C2orf69: variants seen among roughly 807,000 people sequenced by gnomAD.
The protein encoded by C2orf69 is mitochondrial protein C2orf69.
A neutral mutation model predicts 29.5 loss-of-function variants in C2orf69; 19 were observed. The observed-to-expected ratio is 0.65, with a 90% CI of 0.45 to 0.95. C2orf69 has a LOEUF of 0.95. C2orf69 is among the 40% of genes least tolerant of loss of function. The pLI, the probability that C2orf69 is intolerant of heterozygous loss-of-function variation, is 0.00. For missense variants in C2orf69, 416 were observed against 482.1 expected, an observed-to-expected ratio of 0.86 and a Z score of 1.28; for synonymous variants, 194 against 180.0, an observed-to-expected ratio of 1.08 and a Z score of -0.62.
chr2:199,911,744 C>A lies in C2orf69; in HGVS notation c.306C>A (p.His102Gln). 6.5e-7 allele frequency: 1 copy of A among 1,540,660 alleles called. No individual in the cohort carries two copies. Among genetic ancestry groups the A allele is most frequent in the Non-Finnish European group, 8.7e-7 (1 of 1,146,908 alleles). The change falls in exon 1 of 2, where the codon CAC becomes CAA. Residue 102 changes from histidine (H) to glutamine (Q), a missense_variant. This residue lies in a region of C2orf69 where 225 missense variants were observed against 307.3 expected (regional missense o/e 0.73). Transcript: ENST00000319974. ...KEEPQPPPQH[H>Q]VLYFPGDVQN... ...AGCCGCAGCCGCCGCCCCAGCATCA[C>A]GTCCTCTATTTCCCTGGGGATGTGC...
chr2:199,911,736 C>T lies in C2orf69; in HGVS notation c.298C>T (p.Gln100Ter). 1 of 1,541,456 alleles carries T rather than the reference C, an allele frequency of 6.5e-7. No individual in the cohort carries two copies. Among genetic ancestry groups the T allele is most frequent in the Non-Finnish European group, 8.7e-7 (1 of 1,146,916 alleles). The change falls in exon 1 of 2, where the codon CAG (glutamine) becomes TAG (stop). Residue 100 changes from glutamine to a stop codon, truncating the protein, a stop_gained. Coordinates refer to ENST00000319974, the MANE Select transcript of C2orf69 (RefSeq NM_153689.6). LOFTEE classifies it high-confidence loss of function. The part of the protein sequence containing the change: ...PAKEEPQPPP[Q>*]HHVLYFPGDV... ...GAAGGAGGAGCCGCAGCCGCCGCCCCAGCATCACGTCCTCTATTTCCCTGG... is the reference window on the plus strand; with the variant it reads ...GAAGGAGGAGCCGCAGCCGCCGCCCTAGCATCACGTCCTCTATTTCCCTGG...
intron 1 of C2orf69, among the ~76,000 whole-genome samples, chr2:199,913,200 A>T (rs1314649619): frequency 1.0e-5 from 1 of 98,644 alleles, no homozygotes; most frequent in African/African-American, 4.1e-5. Context: ...TATTATATAT[A>T]ATATATAATA....
chr2:199,913,508 T>G (rs1214851379), intron 1 of C2orf69, among the ~76,000 whole-genome samples: 1 of 24,836 alleles, frequency 4.0e-5, no homozygotes, highest in Non-Finnish European at 6.8e-5. Context: ...ATAAAATATA[T>G]ATTATACTAT....
chr2:199,916,862 T>TTATCTACTATCTACTATCTAC (rs1391760768), intron 1 of C2orf69, among the ~76,000 whole-genome samples: 2 of 152,202 alleles, frequency 1.3e-5, no homozygotes, highest in African/African-American at 4.8e-5. Flanking sequence ...AGCTGTTGGT[T>TTATCTACTATCTACTATCTAC]TATCTACTAT....
chr2:199,916,446 A>G (rs867862653), intron 1 of C2orf69, among the ~76,000 whole-genome samples: 11 of 152,158 alleles, frequency 7.2e-5, no homozygotes, highest in Admixed American at 1.3e-4. Context: ...TGCCCTTCCA[A>G]CAGTTCCCCA....
rs1274797283 is a variant in C2orf69 at position 199,911,324 on chromosome 2, G to C, written c.-115G>C. ...CGTCGTCGCCTCAGCGCCGGCTCCC[G>C]GCCGGGCCGCGGCCGCCGACCGTTG... On this transcript the variant is annotated 5_prime_UTR_variant, in exon 1 of 2. Transcript: ENST00000319974. 2 of 1,272,596 alleles carry C rather than the reference G, an allele frequency of 1.6e-6. No individual in the cohort carries two copies. Among genetic ancestry groups the C allele is most frequent in the East Asian group, 3.1e-5 (1 of 32,598 alleles). The allele number at this position is 1,272,596 out of a possible 1,614,324, so 78.8% of individuals were successfully genotyped here. A position where few individuals can be genotyped will look rare whatever the true frequency, so the allele number is the denominator to read the frequency against.
At chr2:199,920,811 C>T (rs2077312503) in intron 1 of C2orf69, among the ~76,000 whole-genome samples, 1 of 151,014 alleles carries the variant, frequency 6.6e-6, no homozygotes, top group Non-Finnish European at 1.5e-5. Flanking sequence ...AAAAAATTAG[C>T]CGGGCATGGT....
At chr2:199,912,109 C>CGT (rs1043352316) in intron 1 of C2orf69, among the ~76,000 whole-genome samples, 4 of 151,912 alleles carry the variant, frequency 2.6e-5, no homozygotes, top group Non-Finnish European at 5.9e-5. Context: ...CTCAGAGGAC[C>CGT]GTGTGTGTGT....
chr2:199,920,616 T>C (rs1049003394), intron 1 of C2orf69, among the ~76,000 whole-genome samples: 2 of 152,116 alleles, frequency 1.3e-5, no homozygotes, highest in Admixed American at 1.3e-4. Flanking sequence ...GGATATATCA[T>C]TAATTATAAA....
chr2:199,925,411 A>G lies in C2orf69; in HGVS notation c.683A>G (p.Asn228Ser), dbSNP rs1472537258. The change falls in exon 2 of 2, where the codon AAT becomes AGT. Residue 228 changes from asparagine to serine, a missense_variant. Physicochemically the swap from Asn to Ser is conservative, Grantham distance 46. Around this residue, in one of 4 missense-constraint regions of C2orf69, gnomAD observed 225 missense variants for 307.3 expected, o/e 0.73. Transcript: ENST00000319974. The surrounding 1 kb of genome is among the most constrained non-coding windows in gnomAD (Gnocchi z 4.9). ...AGATCCAGTCCTTCTCATACTACGA[A>G]TGGTTGCCAGGGAGAAAAAGTGAGG... ...NCRSSPSHTT[N>S]GCQGEKVRTC... 1.2e-6 allele frequency: 2 copies of G among 1,613,840 alleles called. No homozygotes were observed. The highest frequency in any genetic ancestry group is 2.2e-5 in the South Asian group (2 of 91,078).
In C2orf69 at chr2:199,925,667, T is replaced by C; in HGVS notation, c.939T>C (p.Tyr313=). 1.2e-6 allele frequency: 2 copies of C among 1,613,928 alleles called. No individual in the cohort carries two copies. Among genetic ancestry groups the C allele is most frequent in the Non-Finnish European group, 1.7e-6 (2 of 1,179,824 alleles). ...GAGGAAGCAATACTTGGGTTACTTA[T>C]CCAGAAGTCTTGAAAGAATTTGCAC... ...HSGGSNTWVT[Y]PEVLKEFAQT... is the part of the protein sequence containing the mutation. The change falls in exon 2 of 2, where the codon TAT becomes TAC. Residue 313 remains tyrosine (Y), a synonymous_variant. Coordinates refer to ENST00000319974, the MANE Select transcript of C2orf69 (RefSeq NM_153689.6). This position sits in a 1 kb window ranked among gnomAD's most constrained non-coding sequence, Gnocchi z 4.9.
At position 199,927,721 on chromosome 2, in the gene C2orf69, G is replaced by A. The variant is rs911788928; in HGVS notation, c.*1835G>A. 1 of 151,680 alleles carries A rather than the reference G, an allele frequency of 6.6e-6. No homozygotes were observed. Among genetic ancestry groups the A allele is most frequent in the Non-Finnish European group, 1.5e-5 (1 of 67,894 alleles). The allele number at this position is 151,680 out of a possible 1,614,324, so 9.4% of individuals were successfully genotyped here. A position where few individuals can be genotyped will look rare whatever the true frequency, so the allele number is the denominator to read the frequency against. On this transcript the variant is annotated 3_prime_UTR_variant, in exon 2 of 2. Coordinates refer to ENST00000319974, the MANE Select transcript of C2orf69 (RefSeq NM_153689.6). ...TTGCCTTTAAGCACTATGATTGGATGGCTTTTTTTCTATTTGTTTAATAAT... is the reference window on the plus strand; with the variant it reads ...TTGCCTTTAAGCACTATGATTGGATAGCTTTTTTTCTATTTGTTTAATAAT...
At chr2:199,917,495 G>A (rs1286733367) in intron 1 of C2orf69, among the ~76,000 whole-genome samples, 1 of 152,126 alleles carries the variant, frequency 6.6e-6, no homozygotes, top group African/African-American at 2.4e-5. Flanking sequence ...TCCCTCTCAA[G>A]GTCAAAGTTC....
In C2orf69 at chr2:199,926,189, T is replaced by A; in HGVS notation, c.*303T>A. 1 of 238,354 alleles carries A rather than the reference T, an allele frequency of 4.2e-6. No homozygotes were observed. Among genetic ancestry groups the A allele is most frequent in the Non-Finnish European group, 8.2e-6 (1 of 122,584 alleles). The allele number at this position is 238,354 out of a possible 1,614,324, so 14.8% of individuals were successfully genotyped here. A position where few individuals can be genotyped will look rare whatever the true frequency, so the allele number is the denominator to read the frequency against. On this transcript the variant is annotated 3_prime_UTR_variant, in exon 2 of 2. Coordinates refer to ENST00000319974, the MANE Select transcript of C2orf69 (RefSeq NM_153689.6). ...GTTACAACATTGTTCTTATAAAAGG[T>A]AACTAAAATTGTTACTGTTGGAAAT...
At chr2:199,919,524 TTA>T (rs1157106759) in intron 1 of C2orf69, among the ~76,000 whole-genome samples, 1 of 152,130 alleles carries the variant, frequency 6.6e-6, no homozygotes, top group African/African-American at 2.4e-5. Context: ...GATGTGCACT[TTA>T]TGTTTATAAT....
intron 1 of C2orf69, 88 bp from the exon 2 acceptor site, chr2:199,924,974 C>T: frequency 1.3e-6 from 1 of 791,100 alleles, no homozygotes; most frequent in Non-Finnish European, 2.0e-6. Flanking sequence ...AACATCCCTT[C>T]TCCACAATAA....
Position 199,911,322 on chromosome 2 carries a change from C to G in C2orf69, c.-117C>G. 10 of 1,271,746 alleles carry G rather than the reference C, an allele frequency of 7.9e-6. No individual in the cohort carries two copies. The highest frequency in any genetic ancestry group is 1.0e-5 in the Non-Finnish European group (10 of 982,952). 78.8% of individuals were successfully genotyped at this position (1,271,746 alleles called of 1,614,324 possible). A position where few individuals can be genotyped will look rare whatever the true frequency, so the allele number is the denominator to read the frequency against. On this transcript the variant is annotated 5_prime_UTR_variant, in exon 1 of 2. Transcript: ENST00000319974. Reference sequence around the variant, plus strand: ...GACGTCGTCGCCTCAGCGCCGGCTCCCGGCCGGGCCGCGGCCGCCGACCGT... The same window carrying G: ...GACGTCGTCGCCTCAGCGCCGGCTCGCGGCCGGGCCGCGGCCGCCGACCGT...
chr2:199,928,158 C>T lies in C2orf69; in HGVS notation c.*2272C>T, dbSNP rs971232. ...TAAAACTTATTGTAATGTTAATTTA[C>T]ACTTTTGGATTGTGCCTTTGTCATG... On this transcript the variant is annotated 3_prime_UTR_variant, in exon 2 of 2. Transcript: ENST00000319974. 0.83 allele frequency: 126,533 copies of T among 152,558 alleles called. 52,553 individuals carry two copies. Among genetic ancestry groups the T allele is most frequent in the South Asian group, 0.91 (4,388 of 4,832 alleles). The allele number at this position is 152,558 out of a possible 1,614,324, so 9.5% of individuals were successfully genotyped here.
Position 199,926,684 on chromosome 2 carries a change from G to C in C2orf69, c.*798G>C, listed in dbSNP as rs1444975506. ...AACAAAATTACACTTAAGCACTATT[G>C]TTTAATTTTTAATTGTCAGTTTATC... On this transcript the variant is annotated 3_prime_UTR_variant, in exon 2 of 2. Coordinates refer to ENST00000319974, the MANE Select transcript of C2orf69 (RefSeq NM_153689.6). 1 of 152,548 alleles carries C rather than the reference G, an allele frequency of 6.6e-6. No individual in the cohort carries two copies. Among genetic ancestry groups the C allele is most frequent in the African/African-American group, 2.4e-5 (1 of 41,438 alleles). The allele number at this position is 152,548 out of a possible 1,614,324, so 9.4% of individuals were successfully genotyped here.
Sources: gnomAD v4.1 joint callset for allele counts (sites outside exome capture counted in the v4.1 genomes callset) on GRCh38, gnomAD v4.1.1 for gene constraint, gnomAD v4.1.1 regional missense constraint, Gnocchi (gnomAD v3.1) non-coding constraint, MANE v1.5 for transcripts, NCBI Gene and HGNC (gene_info 2026-07-23, HGNC 2026-07-21) for gene names.